Variants in KRABD3 observed in about 807,000 individuals in gnomAD.
KRABD3 encodes the protein KRAB domain-containing protein 3.
chr7:149,715,111 G>A, the KRABD3 span: 2 of 1,230,794 alleles, frequency 1.6e-6, no homozygotes, highest in East Asian at 3.2e-5. Flanking sequence ...GTGCGGCCCC[G>A]AAGGCGGTAG....
chr7:149,722,351 C>T, the KRABD3 span: 1 of 1,555,616 alleles, frequency 6.4e-7, no homozygotes, highest in Non-Finnish European at 8.7e-7. Flanking sequence ...TCTATGGGAA[C>T]CAGATCTGGT....
At chr7:149,730,233 G>T in the KRABD3 span, 5 of 1,567,444 alleles carry the variant, frequency 3.2e-6, no homozygotes, top group Non-Finnish European at 4.3e-6. Flanking sequence ...CTTCGCCTGC[G>T]TGGGAGGCCC....
chr7:149,731,188 GAGA>G, the KRABD3 span, among the ~76,000 whole-genome samples: 34 of 152,330 alleles, frequency 2.2e-4, no homozygotes, highest in Non-Finnish European at 1.0e-4. Flanking sequence ...AGAAGCAGGG[GAGA>G]AGGAGGAAGA....
the KRABD3 span, chr7:149,725,952 C>A: frequency 6.2e-7 from 1 of 1,602,318 alleles, no homozygotes; most frequent in Non-Finnish European, 8.5e-7. Flanking sequence ...CCCCAGCAGG[C>A]CCCTGGCCCC....
the KRABD3 span, among the ~76,000 whole-genome samples, chr7:149,727,547 C>T: frequency 2.0e-5 from 3 of 152,222 alleles, no homozygotes; most frequent in Admixed American, 2.0e-4. Context: ...TCTATACATG[C>T]CCCCTCCAGG....
the KRABD3 span, chr7:149,722,656 C>A: frequency 1.4e-6 from 2 of 1,480,440 alleles, no homozygotes; most frequent in South Asian, 1.3e-5. Context: ...GGCAGCTCCA[C>A]CGGGCAGGCC....
chr7:149,718,115 T>A, the KRABD3 span, among the ~76,000 whole-genome samples: 1 of 151,788 alleles, frequency 6.6e-6, no homozygotes, highest in African/African-American at 2.4e-5. Context: ...GTTTTTAGAA[T>A]CACTGACTTG....
the KRABD3 span, chr7:149,728,563 T>C: frequency 3.7e-6 from 6 of 1,613,722 alleles, no homozygotes; most frequent in Middle Eastern, 6.6e-4. Context: ...GTCTGGAGAA[T>C]TGTCTCAAGG....
the KRABD3 span, chr7:149,721,065 C>T: frequency 1.3e-6 from 2 of 1,536,938 alleles, no homozygotes; most frequent in East Asian, 4.6e-5. Context: ...CACGGCACTG[C>T]ACTGCATGTG....
chr7:149,733,668 G>C, the KRABD3 span: 2 of 1,587,532 alleles, frequency 1.3e-6, no homozygotes. Context: ...GGACTCTCCA[G>C]AGGGACCGCT....
the KRABD3 span, chr7:149,722,274 A>C: frequency 3.8e-6 from 4 of 1,059,434 alleles, no homozygotes; most frequent in Non-Finnish European, 5.5e-6. Context: ...CAGTTAAACC[A>C]GAAAGAAACG....
chr7:149,729,581 C>G, the KRABD3 span: 1 of 985,464 alleles, frequency 1.0e-6, no homozygotes, highest in South Asian at 4.7e-5. Context: ...TCGGGAAGAT[C>G]ATTGTTTGTG....
At chr7:149,724,659 A>T in the KRABD3 span, 1 of 1,531,622 alleles carries the variant, frequency 6.5e-7, no homozygotes, top group African/African-American at 1.4e-5. Context: ...CAGGGCCTGG[A>T]TACCTCCTGA....
the KRABD3 span, chr7:149,723,656 A>T: frequency 1.4e-6 from 2 of 1,467,984 alleles, no homozygotes; most frequent in Non-Finnish European, 1.9e-6. Flanking sequence ...CGCCCTTCTA[A>T]CTTGTCCCCT....
chr7:149,725,790 T>C, the KRABD3 span: 26 of 1,214,286 alleles, frequency 2.1e-5, no homozygotes, highest in Admixed American at 2.9e-5. Flanking sequence ...TGGGAGATAC[T>C]TTGGGGCAGG....
chr7:149,724,884 C>T, the KRABD3 span: 1 of 1,498,306 alleles, frequency 6.7e-7, no homozygotes, highest in Non-Finnish European at 8.9e-7. Context: ...GGTGGTCTTC[C>T]CCATGGGCTT....
At chr7:149,717,404 A>G in the KRABD3 span, among the ~76,000 whole-genome samples, 1 of 152,234 alleles carries the variant, frequency 6.6e-6, no homozygotes, top group Non-Finnish European at 1.5e-5. Context: ...ACAGCGGTCT[A>G]GGGCTGCTCT....
chr7:149,732,509 T>C, the KRABD3 span, among the ~76,000 whole-genome samples: 5 of 152,190 alleles, frequency 3.3e-5, no homozygotes, highest in Non-Finnish European at 5.9e-5. The surrounding 1 kb of genome is among the most constrained non-coding windows in gnomAD (Gnocchi z 4.0). Context: ...GGCCTGGGGC[T>C]GAACAGGTTA....
At chr7:149,730,195 G>A in the KRABD3 span, 3 of 1,575,090 alleles carry the variant, frequency 1.9e-6, no homozygotes, top group Admixed American at 1.8e-5. Flanking sequence ...AGCGCCCTGA[G>A]GGGGATCTTG....
Sources: allele counts gnomAD v4.1 joint callset (sites outside exome capture counted in the v4.1 genomes callset), GRCh38; gene constraint gnomAD v4.1.1; non-coding constraint Gnocchi (gnomAD v3.1); transcripts MANE v1.5; gene names NCBI Gene and HGNC (gene_info 2026-07-23, HGNC 2026-07-21).